The following SPON1 variants were observed in gnomAD, a reference collection of about 807,000 sequenced individuals.
The protein encoded by SPON1 is spondin-1.
In SPON1, 52 loss-of-function variants were observed where a neutral mutation model predicts 111.7. The observed-to-expected ratio is 0.47, with a 90% confidence interval of 0.37 to 0.59. The LOEUF is 0.59. Among genes scored for constraint, SPON1 ranks in the 20% least tolerant of loss-of-function variants. The pLI is 0.00. For missense variants in SPON1, 957 were observed against 1,068.5 expected, an observed-to-expected ratio of 0.90 and a Z score of 1.46; for synonymous variants, 410 against 395.8, an observed-to-expected ratio of 1.04 and a Z score of -0.43.
chr11:14,123,720 A>G (rs782026614), intron 5 of SPON1, among the ~76,000 whole-genome samples: 3 of 152,134 alleles, frequency 2.0e-5, no homozygotes, highest in Admixed American at 6.5e-5. Context: ...CATAAATCCT[A>G]TCTACTTTAA....
chr11:14,017,059 C>A (rs61450233), intron 2 of SPON1, among the ~76,000 whole-genome samples: 67 of 152,250 alleles, frequency 4.4e-4, no homozygotes, highest in African/African-American at 1.6e-3. Context: ...GGTGTCAGGC[C>A]CATTTTCATT....
At chr11:14,022,048 G>C (rs570204841) in intron 2 of SPON1, among the ~76,000 whole-genome samples, 6 of 152,182 alleles carry the variant, frequency 3.9e-5, no homozygotes, top group South Asian at 4.1e-4. Flanking sequence ...AGAGCCCAGT[G>C]AGGGACTCAG....
chr11:14,096,810 A>C (rs1369448451), intron 5 of SPON1, among the ~76,000 whole-genome samples: 1 of 152,170 alleles, frequency 6.6e-6, no homozygotes, highest in Non-Finnish European at 1.5e-5. Context: ...TGAGTATGCC[A>C]TCTGTTTCCT....
At chr11:14,155,936 T>C (rs1435900198) in intron 6 of SPON1, among the ~76,000 whole-genome samples, 3 of 133,048 alleles carry the variant, frequency 2.3e-5, no homozygotes, top group East Asian at 4.8e-4. Context: ...TCTTTGCTAT[T>C]GTGAATAGTG....
chr11:14,082,863 A>G (rs1213375893), intron 5 of SPON1, among the ~76,000 whole-genome samples: 1 of 152,164 alleles, frequency 6.6e-6, no homozygotes, highest in African/African-American at 2.4e-5. Flanking sequence ...CAAACTGACA[A>G]TTGCCAAGCC....
intron 6 of SPON1, among the ~76,000 whole-genome samples, chr11:14,227,945 A>G (rs1336391012): frequency 1.3e-5 from 2 of 152,230 alleles, no homozygotes; most frequent in African/African-American, 4.8e-5. Flanking sequence ...TTATCATATT[A>G]TTTAAATATG....
At chr11:14,026,113 G>T (rs1848516196) in intron 2 of SPON1, among the ~76,000 whole-genome samples, 1 of 152,170 alleles carries the variant, frequency 6.6e-6, no homozygotes, top group South Asian at 2.1e-4. Context: ...CAGCTCAATT[G>T]CCTCCCTACA....
At position 14,257,913 on chromosome 11, in the gene SPON1, C is replaced by T. The variant is rs1162451642; in HGVS notation, c.1492+15C>T. On this transcript the variant is annotated intron_variant, in intron 11 of 15. Transcript: ENST00000576479. ...CAGTGACGAAGGTGAGGAGACAACCCAGACCAGCCAGGGGCTGGCAGGAGT... is the reference window on the plus strand; with the variant it reads ...CAGTGACGAAGGTGAGGAGACAACCTAGACCAGCCAGGGGCTGGCAGGAGT... 2.0e-6 allele frequency: 3 copies of T among 1,518,374 alleles called. No individual in the cohort carries two copies. The highest frequency in any genetic ancestry group is 1.4e-5 in the African/African-American group (1 of 72,324). 94.1% of individuals were successfully genotyped at this position (1,518,374 alleles called of 1,614,324 possible).
intron 2 of SPON1, among the ~76,000 whole-genome samples, chr11:13,997,905 A>G (rs1018030277): frequency 2.0e-5 from 3 of 152,122 alleles, no homozygotes; most frequent in African/African-American, 7.2e-5. Flanking sequence ...AAGGCTCCGC[A>G]CCAGAGGTAT....
chr11:14,220,024 T>C (rs1848663953), intron 6 of SPON1, among the ~76,000 whole-genome samples: 1 of 150,106 alleles, frequency 6.7e-6, no homozygotes, highest in South Asian at 2.1e-4. Context: ...GAGGTGGAGG[T>C]TGCGGTGAGC....
intron 6 of SPON1, among the ~76,000 whole-genome samples, chr11:14,220,981 C>A (rs1391527644): frequency 1.3e-5 from 2 of 152,180 alleles, no homozygotes; most frequent in Non-Finnish European, 2.9e-5. Context: ...GACAGAGGAC[C>A]CAGCCTGAGC....
At position 13,963,127 on chromosome 11, in the gene SPON1, G is replaced by A; in HGVS notation, c.223G>A (p.Gly75Arg). The change falls in exon 1 of 16, where the codon GGA (glycine) becomes AGA (arginine). Residue 75 changes from glycine to arginine, a missense_variant. Physicochemically the swap from Gly to Arg is moderately radical, Grantham distance 125 (BLOSUM62 -2). Coordinates refer to ENST00000576479, the MANE Select transcript of SPON1 (RefSeq NM_006108.4). ...GGGCGACCCCGACTTCTACAAGCCG[G>A]GAACCAGCTACCGCGGTAAGTGGCC... ...VEGDPDFYKP[G>R]TSYRVTLSAA... is the part of the protein sequence containing the mutation. 1 of 1,516,482 alleles carries A rather than the reference G, an allele frequency of 6.6e-7. No homozygotes were observed. The highest frequency in any genetic ancestry group is 8.8e-7 in the Non-Finnish European group (1 of 1,130,652). The allele number at this position is 1,516,482 out of a possible 1,614,324, so 93.9% of individuals were successfully genotyped here.
At chr11:14,212,741 T>C (rs1335970883) in intron 6 of SPON1, among the ~76,000 whole-genome samples, 2 of 152,222 alleles carry the variant, frequency 1.3e-5, no homozygotes, top group African/African-American at 4.8e-5. Flanking sequence ...TTTTTTGCTG[T>C]TCTTTAATTA....
intron 1 of SPON1, among the ~76,000 whole-genome samples, chr11:13,981,423 T>C (rs1054297384): frequency 5.3e-5 from 8 of 152,028 alleles, no homozygotes; most frequent in African/African-American, 1.9e-4. Flanking sequence ...ACCTCCCGGG[T>C]TCACACCATT....
At chr11:14,132,160 C>A (rs1847536397) in intron 5 of SPON1, among the ~76,000 whole-genome samples, 2 of 152,118 alleles carry the variant, frequency 1.3e-5, no homozygotes, top group East Asian at 1.9e-4. Context: ...CGCCTGTAAT[C>A]CCAGCTACTA....
intron 5 of SPON1, among the ~76,000 whole-genome samples, chr11:14,094,270 C>T (rs1427166552): frequency 1.3e-5 from 2 of 151,628 alleles, no homozygotes; most frequent in Non-Finnish European, 2.9e-5. Context: ...AACCCGTCTC[C>T]TTTCTTTGGA....
chr11:14,069,466 C>T (rs1254194794), intron 3 of SPON1, among the ~76,000 whole-genome samples: 2 of 152,112 alleles, frequency 1.3e-5, no homozygotes, highest in Non-Finnish European at 2.9e-5. Context: ...GAGCCGCCGC[C>T]ATCATCTCCT....
At chr11:14,170,099 T>C (rs1848079573) in intron 6 of SPON1, among the ~76,000 whole-genome samples, 2 of 152,220 alleles carry the variant, frequency 1.3e-5, no homozygotes, top group Admixed American at 6.5e-5. Flanking sequence ...ATGGCCATTT[T>C]CATGATATTT....
At chr11:14,199,880 C>T (rs1044211966) in intron 6 of SPON1, among the ~76,000 whole-genome samples, 1 of 152,226 alleles carries the variant, frequency 6.6e-6, no homozygotes, top group Non-Finnish European at 1.5e-5. Flanking sequence ...AAGGTTCTTT[C>T]TGATCTGGCC....
Sources: gnomAD v4.1 joint callset for allele counts (sites outside exome capture counted in the v4.1 genomes callset) on GRCh38, gnomAD v4.1.1 for gene constraint, MANE v1.5 for transcripts, NCBI Gene and HGNC (gene_info 2026-07-23, HGNC 2026-07-21) for gene names.